The following KMT2C variants were observed in gnomAD, a reference collection of about 807,000 sequenced individuals.
KMT2C encodes lysine methyltransferase 2C.
A neutral mutation model predicts 507.9 loss-of-function variants in KMT2C; 88 were observed. The observed-to-expected ratio is 0.17, with a 90% CI of 0.15 to 0.21. The LOEUF (loss-of-function observed/expected upper bound fraction) is 0.21. Ranked by LOEUF, KMT2C falls within the 10% of genes least tolerant of loss-of-function variation. The pLI is 1.00. For missense variants in KMT2C, 4,954 were observed against 5,957.8 expected (o/e 0.83, Z 5.55); for synonymous variants, 2,049 against 2,080.8 (o/e 0.98, Z 0.42).
chr7:152,361,424 G>A (rs888468944), intron 1 of KMT2C, among the ~76,000 whole-genome samples: 29 of 151,966 alleles, frequency 1.9e-4, no homozygotes, highest in African/African-American at 5.8e-4. Flanking sequence ...TTAGCCGGGC[G>A]TGGTAGTGGG....
chr7:152,312,706 A>G (rs1170907076), intron 4 of KMT2C, among the ~76,000 whole-genome samples: 1 of 152,244 alleles, frequency 6.6e-6, no homozygotes, highest in African/African-American at 2.4e-5. Flanking sequence ...CAGGCTTTCA[A>G]GGTCTAACAC....
chr7:152,249,320 G>GTTTTT lies in KMT2C; in HGVS notation c.1813+551_1813+555dup, dbSNP rs200151238. 1.2e-3 allele frequency among the ~76,000 whole-genome samples: 112 copies of GTTTTT among 94,640 alleles called. 1 individual carries two copies. Among genetic ancestry groups the GTTTTT allele is most frequent in the African/African-American group, 4.1e-3 (107 of 26,354 alleles). 62.1% of individuals were successfully genotyped at this position (94,640 alleles called of 152,430 possible). Reference sequence around the variant, plus strand: ...CCAATCAGTGACTAAAATTTATCTGGTTTTTTTTTTTTTTTTTTTTTGAAA... The same window carrying GTTTTT: ...CCAATCAGTGACTAAAATTTATCTGGTTTTTTTTTTTTTTTTTTTTTTTTTTGAAA... On this transcript the variant is annotated intron_variant, in intron 13 of 58. Transcript: ENST00000262189.
chr7:152,193,966 CAT>C (rs757664699), intron 31 of KMT2C, 41 bp downstream of exon 31: 149 of 1,483,008 alleles, frequency 1.0e-4, no homozygotes, highest in African/African-American at 2.3e-4. Flanking sequence ...CATATATACA[CAT>C]GTGTGTGAAT....
At chr7:152,311,479 C>T (rs1287708953) in intron 5 of KMT2C, among the ~76,000 whole-genome samples, 1 of 152,102 alleles carries the variant, frequency 6.6e-6, no homozygotes, top group Admixed American at 6.5e-5. Context: ...ATGCCACATT[C>T]CCCAAGTTCT....
At chr7:152,158,001 G>A (rs1399305955) in intron 44 of KMT2C, 1 of 1,070,426 alleles carries the variant, frequency 9.3e-7, no homozygotes. Flanking sequence ...AAGACCCGAA[G>A]CAACTTTGTT....
At chr7:152,421,047 A>C (rs1028451984) in intron 1 of KMT2C, among the ~76,000 whole-genome samples, 11 of 151,920 alleles carry the variant, frequency 7.2e-5, no homozygotes, top group South Asian at 4.1e-4. Context: ...TAAAAAAAAA[A>C]CAAGCAAAAA....
intron 42 of KMT2C, among the ~76,000 whole-genome samples, chr7:152,166,311 G>A (rs1255878464): frequency 6.6e-6 from 1 of 151,422 alleles, no homozygotes; most frequent in Non-Finnish European, 1.5e-5. Flanking sequence ...TAGTAGAGAC[G>A]GGGTTTCACC....
At chr7:152,260,453 G>A (rs1386963547) in intron 9 of KMT2C, among the ~76,000 whole-genome samples, 2 of 152,098 alleles carry the variant, frequency 1.3e-5, no homozygotes, top group Non-Finnish European at 1.5e-5. Context: ...ATTAGAGAGT[G>A]TAAAGAAGGT....
At chr7:152,396,606 G>A (rs757841995) in intron 1 of KMT2C, among the ~76,000 whole-genome samples, 2 of 152,128 alleles carry the variant, frequency 1.3e-5, no homozygotes, top group Non-Finnish European at 2.9e-5. Context: ...TGACTTTAGG[G>A]ATACCAAAAA....
In KMT2C at chr7:152,176,388, G is replaced by A. The variant is rs141345566; in HGVS notation, c.9065C>T (p.Thr3022Ile). The A allele has an allele frequency of 6.5e-5, 105 of 1,613,992 alleles. No individual in the cohort carries two copies. The highest frequency in any genetic ancestry group is 1.6e-4 in the Middle Eastern group (1 of 6,084). Residue 3022 changes from threonine (T) to isoleucine (I), a missense_variant, in exon 38 of 59, where the codon ACC becomes ATC. By Grantham distance (89) the Thr-to-Ile change is moderately conservative. Around this residue, in one of 29 missense-constraint regions of KMT2C, gnomAD observed 1,689 missense variants for 1,654.3 expected, o/e 1.02. Coordinates refer to ENST00000262189, the MANE Select transcript of KMT2C (RefSeq NM_170606.3). ...QTGPQTSQSG[T>I]SSMSGPQQLM... is the part of the protein sequence containing the mutation. ...CTGTTGGGGTCCAGACATGCTACTG[G>A]TACCAGACTGACTTGTTTGAGGCCC...
Position 152,248,529 on chromosome 7 carries a change from C to G in KMT2C, c.1905G>C (p.Lys635Asn), listed in dbSNP as rs2095512830. 1 of 1,613,994 alleles carries G rather than the reference C, an allele frequency of 6.2e-7. No individual in the cohort carries two copies. The highest frequency in any genetic ancestry group is 8.5e-7 in the Non-Finnish European group (1 of 1,179,928). ...SEDLKMSSEV[K>N]HICGEDQIED... The stretch of plus-strand genomic sequence containing the variant: ...CAATTTGATCTTCGCCACAAATATG[C>G]TTCACTTCAGAAGACATTTTCAGGT... Residue 635 changes from lysine to asparagine, a missense_variant, in exon 14 of 59, where the codon AAG (lysine) becomes AAC (asparagine). Lys to Asn is a moderately conservative substitution (Grantham distance 94). Coordinates refer to ENST00000262189, the MANE Select transcript of KMT2C (RefSeq NM_170606.3).
At chr7:152,347,022 G>C (rs1005389916) in intron 2 of KMT2C, among the ~76,000 whole-genome samples, 7 of 152,196 alleles carry the variant, frequency 4.6e-5, no homozygotes, top group African/African-American at 1.7e-4. Flanking sequence ...AGCTCAGGAG[G>C]CTGAGGCAGG....
At chr7:152,384,486 C>G (rs1331957595) in intron 1 of KMT2C, among the ~76,000 whole-genome samples, 1 of 151,936 alleles carries the variant, frequency 6.6e-6, no homozygotes, top group African/African-American at 2.4e-5. Flanking sequence ...TCAAGGATAA[C>G]TCCAGAGCTC....
intron 23 of KMT2C, among the ~76,000 whole-genome samples, chr7:152,219,376 T>A (rs908890260): frequency 6.6e-6 from 1 of 152,214 alleles, no homozygotes; most frequent in African/African-American, 2.4e-5. Flanking sequence ...ATATAAACTC[T>A]ATGCAGAGAA....
intron 6 of KMT2C, among the ~76,000 whole-genome samples, chr7:152,280,207 C>T (rs537626347): frequency 6.6e-6 from 1 of 152,102 alleles, no homozygotes. Flanking sequence ...AAAGAGTGGC[C>T]TCTAGGAACT....
intron 6 of KMT2C, among the ~76,000 whole-genome samples, chr7:152,281,146 A>G (rs1370361296): frequency 6.6e-6 from 1 of 152,146 alleles, no homozygotes; most frequent in Non-Finnish European, 1.5e-5. Flanking sequence ...AAATCTGACT[A>G]CATAGAAATG....
rs139897619 is a variant in KMT2C at position 152,149,130 on chromosome 7, T to C, written c.12797A>G (p.Gln4266Arg). 6.8e-7 allele frequency: 1 copy of C among 1,464,188 alleles called. No individual in the cohort carries two copies. The highest frequency in any genetic ancestry group is 1.7e-5 in the South Asian group (1 of 59,886). The allele number at this position is 1,464,188 out of a possible 1,614,324, so 90.7% of individuals were successfully genotyped here. A position where few individuals can be genotyped will look rare whatever the true frequency, so the allele number is the denominator to read the frequency against. Residue 4266 changes from glutamine to arginine, a missense_variant, in exon 52 of 59, where the codon CAA becomes CGA. By Grantham distance (43) the Gln-to-Arg change is conservative. Coordinates refer to ENST00000262189, the MANE Select transcript of KMT2C (RefSeq NM_170606.3). ...ENKESIPSLPQSPMRETPSKA... is the reference protein window; with the variant it reads ...ENKESIPSLPRSPMRETPSKA... ...GGAAGGCGTTTCTCTCATAGGTGAT[T>C]GTGGCAATGAAGGAATGGATTCCTG... is the stretch of plus-strand genomic sequence containing the variant.
chr7:152,305,665 T>G (rs2096610072), intron 6 of KMT2C, among the ~76,000 whole-genome samples: 2 of 152,136 alleles, frequency 1.3e-5, no homozygotes, highest in Admixed American at 1.3e-4. Context: ...GTACTTATTC[T>G]ATGGATGAAA....
At chr7:152,292,966 T>G (rs994850949) in intron 6 of KMT2C, among the ~76,000 whole-genome samples, 1 of 152,204 alleles carries the variant, frequency 6.6e-6, no homozygotes, top group Admixed American at 6.5e-5. Context: ...GAAACAACAT[T>G]TTATACAGCT....
Sources: gnomAD v4.1 joint callset for allele counts (sites outside exome capture counted in the v4.1 genomes callset) on GRCh38, gnomAD v4.1.1 for gene constraint, gnomAD v4.1.1 regional missense constraint, MANE v1.5 for transcripts, NCBI Gene and HGNC (gene_info 2026-07-23, HGNC 2026-07-21) for gene names.